Variants in CLYBL observed in about 807,000 individuals in gnomAD.
CLYBL encodes citramalyl-CoA lyase.
Under a neutral mutation model 38.9 loss-of-function variants are expected in CLYBL, and 31 were observed. That is an observed-to-expected ratio of 0.80 (90% CI 0.60 to 1.08). CLYBL has a LOEUF of 1.08. CLYBL is among the 50% of genes least tolerant of loss of function. The probability of loss-of-function intolerance (pLI) is 0.00; values close to 1 mark genes in which losing one functional copy is unlikely to be tolerated. For missense variants in CLYBL, 434 were observed against 411.6 expected, an observed-to-expected ratio of 1.05 and a Z score of -0.47; for synonymous variants, 171 against 158.6, an observed-to-expected ratio of 1.08 and a Z score of -0.59.
At chr13:99,788,592 T>G (rs1286718919) in intron 2 of CLYBL, among the ~76,000 whole-genome samples, 2 of 152,216 alleles carry the variant, frequency 1.3e-5, no homozygotes, top group Non-Finnish European at 2.9e-5. Flanking sequence ...TGCTGCTGGA[T>G]TCAGTTTGCC....
chr13:99,738,738 A>T (rs1393605444), intron 1 of CLYBL, among the ~76,000 whole-genome samples: 1 of 152,160 alleles, frequency 6.6e-6, no homozygotes, highest in Non-Finnish European at 1.5e-5. Flanking sequence ...CACTCAGTTT[A>T]TGAGTGGCAG....
exon 10 of CLYBL, among the ~76,000 whole-genome samples, chr13:99,908,975 C>T (rs750518065): frequency 6.6e-6 from 1 of 152,118 alleles, no homozygotes; most frequent in Non-Finnish European, 1.5e-5. Context: ...TGAGCCAACA[C>T]AAACAAAAAA....
chr13:99,620,578 C>G (rs1594086514), intron 1 of CLYBL, among the ~76,000 whole-genome samples: 1 of 152,294 alleles, frequency 6.6e-6, no homozygotes, highest in East Asian at 1.9e-4. Context: ...AGTTGGAGAC[C>G]AACCTGGCAC....
intron 1 of CLYBL, among the ~76,000 whole-genome samples, chr13:99,648,150 G>T (rs1176202712): frequency 6.6e-6 from 1 of 152,136 alleles, no homozygotes; most frequent in East Asian, 1.9e-4. Context: ...GTATGTTCGG[G>T]GGGGAAAAAT....
chr13:99,638,824 C>T (rs985622793), intron 1 of CLYBL, among the ~76,000 whole-genome samples: 1 of 152,154 alleles, frequency 6.6e-6, no homozygotes, highest in African/African-American at 2.4e-5. Context: ...TCTTAGGTCC[C>T]CATGAGCTGG....
At chr13:99,660,350 C>T (rs1396185174) in intron 1 of CLYBL, among the ~76,000 whole-genome samples, 2 of 152,174 alleles carry the variant, frequency 1.3e-5, no homozygotes, top group Admixed American at 6.5e-5. Context: ...GGGTAACTGC[C>T]TCGGTTTCCA....
At chr13:99,624,999 T>C (rs962801763) in intron 1 of CLYBL, among the ~76,000 whole-genome samples, 1 of 152,344 alleles carries the variant, frequency 6.6e-6, no homozygotes, top group South Asian at 2.1e-4. Context: ...ATTACTGAAA[T>C]TAAGCATGAT....
At chr13:99,709,748 C>T (rs1389783878) in intron 1 of CLYBL, among the ~76,000 whole-genome samples, 9 of 152,048 alleles carry the variant, frequency 5.9e-5, no homozygotes, top group Non-Finnish European at 2.9e-5. Flanking sequence ...CCCAAACTTT[C>T]GATGAGGAGC....
chr13:99,784,793 A>T (rs1319010593), intron 2 of CLYBL, among the ~76,000 whole-genome samples: 1 of 152,132 alleles, frequency 6.6e-6, no homozygotes, highest in East Asian at 1.9e-4. Context: ...AAAATGCATT[A>T]AAAAGTACTT....
chr13:99,874,540 CTTT>C (rs1169946186), intron 7 of CLYBL, among the ~76,000 whole-genome samples: 2 of 146,754 alleles, frequency 1.4e-5, no homozygotes, highest in African/African-American at 2.7e-5. Context: ...TTCAACAGTT[CTTT>C]TTTATCAATA....
chr13:99,859,002 T>C lies in CLYBL; in HGVS notation c.391T>C (p.Ser131Pro). ...CCTTTTGCAATCCCGGGTCCTTCCT[T>C]CCAGCCTGATGCTACCAAAGGTGGA... ...ETLLQSRVLP[S>P]SLMLPKVESP... Residue 131 changes from serine (S) to proline (P), a missense_variant, in exon 3 of 9, where the codon TCC becomes CCC. Transcript: ENST00000339105. 1 of 1,614,030 alleles carries C rather than the reference T, an allele frequency of 6.2e-7. No homozygotes were observed. Among genetic ancestry groups the C allele is most frequent in the East Asian group, 2.2e-5 (1 of 44,870 alleles).
At chr13:99,677,193 G>A (rs191213644) in intron 1 of CLYBL, among the ~76,000 whole-genome samples, 52 of 152,240 alleles carry the variant, frequency 3.4e-4, no homozygotes, top group African/African-American at 8.2e-4. Context: ...CTGCATTGGC[G>A]TATTGAAAAG....
chr13:99,864,053 T>C (rs1363113393), intron 4 of CLYBL, among the ~76,000 whole-genome samples: 3 of 152,178 alleles, frequency 2.0e-5, no homozygotes, highest in African/African-American at 7.2e-5. Flanking sequence ...ATCCTGAGAA[T>C]ATAATCAAAA....
intron 7 of CLYBL, among the ~76,000 whole-genome samples, chr13:99,881,013 C>A (rs1488777165): frequency 6.6e-6 from 1 of 152,232 alleles, no homozygotes. Context: ...ATGCTGCTCC[C>A]GTCTGGCTTT....
At chr13:99,662,935 G>T (rs35391365) in intron 1 of CLYBL, among the ~76,000 whole-genome samples, 15,594 of 152,190 alleles carry the variant, frequency 0.1, 840 homozygotes, top group South Asian at 0.15. Flanking sequence ...GTCCGAGATG[G>T]TCACTGCTGG....
intron 1 of CLYBL, among the ~76,000 whole-genome samples, chr13:99,688,074 C>T (rs536130390): frequency 3.9e-5 from 6 of 152,268 alleles, no homozygotes; most frequent in African/African-American, 9.6e-5. Context: ...TTTGAAGCAA[C>T]GGTCTTTCCC....
chr13:99,847,192 T>C (rs929733798), intron 2 of CLYBL, among the ~76,000 whole-genome samples: 1 of 152,188 alleles, frequency 6.6e-6, no homozygotes, highest in Non-Finnish European at 1.5e-5. Context: ...CATTAAATTA[T>C]GAGCCAATCA....
At chr13:99,635,825 T>A (rs555630467) in intron 1 of CLYBL, among the ~76,000 whole-genome samples, 3 of 152,218 alleles carry the variant, frequency 2.0e-5, no homozygotes, top group Non-Finnish European at 2.9e-5. Context: ...AGTTTCCTCA[T>A]CTTTATGGTG....
intron 7 of CLYBL, among the ~76,000 whole-genome samples, chr13:99,871,703 C>T (rs2051904755): frequency 6.6e-6 from 1 of 152,146 alleles, no homozygotes. Flanking sequence ...TCTGTCTCCA[C>T]TTTGTGCCAG....
Sources: allele counts gnomAD v4.1 joint callset (sites outside exome capture counted in the v4.1 genomes callset), GRCh38; gene constraint gnomAD v4.1.1; transcripts MANE v1.5; gene names NCBI Gene and HGNC (gene_info 2026-07-23, HGNC 2026-07-21).